Variants in PCDHGB2 observed in about 807,000 individuals in gnomAD.
PCDHGB2 encodes the protein protocadherin gamma-B2.
PCDHGB2 carries 55 observed loss-of-function variants against 59.3 expected under a neutral mutation model. The ratio of observed to expected loss-of-function variants is 0.93; its 90% CI spans 0.75 to 1.16. The LOEUF (loss-of-function observed/expected upper bound fraction) is 1.16, where lower values mean the gene tolerates loss of function less well. PCDHGB2 is among the 50% of genes most tolerant of loss of function. PCDHGB2 has a pLI of 0.00. For synonymous variants in PCDHGB2, 516 were observed against 512.0 expected (o/e 1.01, Z -0.11); for missense variants, 1,228 against 1,198.5 (o/e 1.02, Z -0.36).
chr5:141,405,353 A>G lies in PCDHGB2; in HGVS notation c.2421+42797A>G, dbSNP rs187461819. 6.9e-5 allele frequency: 112 copies of G among 1,614,026 alleles called. No homozygotes were observed. Among genetic ancestry groups the G allele is most frequent in the Admixed American group, 5.8e-4 (35 of 60,010 alleles). On this transcript the variant is annotated intron_variant, in intron 1 of 3. Coordinates refer to ENST00000522605, the MANE Select transcript of PCDHGB2 (RefSeq NM_018923.3). Reference sequence around the variant, plus strand: ...CGTCTCTGTTGATTCCAAGTTTCCTATAGAAGACACCCCTTTGGTTCCGGT... The same window carrying G: ...CGTCTCTGTTGATTCCAAGTTTCCTGTAGAAGACACCCCTTTGGTTCCGGT...
chr5:141,424,149 G>T, intron 1 of PCDHGB2: 1 of 324,612 alleles, frequency 3.1e-6, no homozygotes. Flanking sequence ...GCTCCCTCTA[G>T]CTCTCCTTCT....
chr5:141,440,444 C>G (rs2098178389), intron 1 of PCDHGB2: 1 of 152,038 alleles, frequency 6.6e-6, no homozygotes, highest in Admixed American at 6.6e-5. Context: ...AAGGCGCCAT[C>G]TCAAAAAAAA....
intron 3 of PCDHGB2, among the ~76,000 whole-genome samples, chr5:141,508,789 A>C: frequency 1.4e-5 from 2 of 145,944 alleles, no homozygotes; most frequent in African/African-American, 2.6e-5. Context: ...CCCCTAAATC[A>C]CTCTGGAATC....
At position 141,476,591 on chromosome 5, in the gene PCDHGB2, G is replaced by C. The variant is rs200254399; in HGVS notation, c.2422-18216G>C. The C allele has an allele frequency of 6.2e-7, 1 of 1,614,230 alleles. No homozygotes were observed. Among genetic ancestry groups the C allele is most frequent in the East Asian group, 2.2e-5 (1 of 44,870 alleles). On this transcript the variant is annotated intron_variant, in intron 1 of 3. Coordinates refer to ENST00000522605, the MANE Select transcript of PCDHGB2 (RefSeq NM_018923.3). This position sits in a 1 kb window ranked among gnomAD's most constrained non-coding sequence, Gnocchi z 7.6. ...GGGGACGCGCTTTCCGCTCGAGAGCGCGCACGATCCCGATGTGGGAAGCAA... is the reference window on the plus strand; with the variant it reads ...GGGGACGCGCTTTCCGCTCGAGAGCCCGCACGATCCCGATGTGGGAAGCAA...
chr5:141,423,253 C>G (rs750278899), intron 1 of PCDHGB2: 1 of 1,613,916 alleles, frequency 6.2e-7, no homozygotes, highest in Admixed American at 1.7e-5. Flanking sequence ...CCTGGCGGAC[C>G]TCGGCAGCCT....
Position 141,431,336 on chromosome 5 carries a change from G to C in PCDHGB2, c.2422-63471G>C, listed in dbSNP as rs1187672228. ...TGGAGCCGACGGTAGTAAGTACCCC[G>C]AATTGGTGCTGAAACGCGCCCTGGA... On this transcript the variant is annotated intron_variant, in intron 1 of 3. Transcript: ENST00000522605. The surrounding 1 kb of genome is among the most constrained non-coding windows in gnomAD (Gnocchi z 4.8). 2.5e-6 allele frequency: 4 copies of C among 1,613,956 alleles called. No individual in the cohort carries two copies. The East Asian group carries it at 6.7e-5, about 27-fold the overall frequency.
intron 1 of PCDHGB2, chr5:141,415,994 C>G: frequency 6.6e-6 from 2 of 303,006 alleles, no homozygotes; most frequent in East Asian, 6.9e-5. Context: ...GTTCTGAAGG[C>G]AGGTCTGGTA....
chr5:141,418,081 C>T lies in PCDHGB2; in HGVS notation c.2421+55525C>T, dbSNP rs190197904. On this transcript the variant is annotated intron_variant, in intron 1 of 3. Transcript: ENST00000522605. Reference sequence around the variant, plus strand: ...TGCGAGTGAGCGCGGAGAAGCTGCACTTCAGCGTAGACGCGCAGAGCGGGG... The same window carrying T: ...TGCGAGTGAGCGCGGAGAAGCTGCATTTCAGCGTAGACGCGCAGAGCGGGG... 331 of 1,614,072 alleles carry T rather than the reference C, an allele frequency of 2.1e-4. 3 individuals are homozygous for T. The African/African-American group carries it at 4.0e-3, about 19-fold the overall frequency.
intron 1 of PCDHGB2, chr5:141,384,446 C>T (rs781605513): frequency 5.6e-6 from 9 of 1,614,034 alleles, no homozygotes; most frequent in South Asian, 4.4e-5. Context: ...GTCCTGTACG[C>T]GCTGCAATCC....
chr5:141,371,300 C>G, intron 1 of PCDHGB2: 1 of 1,613,950 alleles, frequency 6.2e-7, no homozygotes, highest in Non-Finnish European at 8.5e-7. Context: ...GGGAACTCAC[C>G]ACTATTGGAG....
chr5:141,461,258 A>G lies in PCDHGB2; in HGVS notation c.2422-33549A>G, dbSNP rs2099011921. Among the ~76,000 whole-genome samples, 4 of 152,104 alleles carry G rather than the reference A, an allele frequency of 2.6e-5. No individual in the cohort carries two copies. In the South Asian group the frequency reaches 8.3e-4, roughly 31 times the overall value. The stretch of plus-strand genomic sequence containing the variant: ...GTACTAATTTATATTCCCAGCAGCA[A>G]TGTGTAAGTGTTCTCTTTTCCCCAC... On this transcript the variant is annotated intron_variant, in intron 1 of 3. Transcript: ENST00000522605.
rs1417059875 is a variant in PCDHGB2 at position 141,496,499 on chromosome 5, G to C, written c.2480+1634G>C. 2.6e-5 allele frequency among the ~76,000 whole-genome samples: 4 copies of C among 152,102 alleles called. No individual in the cohort carries two copies. In the East Asian group the frequency reaches 7.7e-4, roughly 29 times the overall value. On this transcript the variant is annotated intron_variant, in intron 2 of 3. Coordinates refer to ENST00000522605, the MANE Select transcript of PCDHGB2 (RefSeq NM_018923.3). ...TCCTGCAACCAACCAAACCCTTGTT[G>C]CCACAAGGACCCAGGAGCCCTTGGT...
At chr5:141,376,530 G>A (rs200613052) in intron 1 of PCDHGB2, 1 of 1,613,668 alleles carries the variant, frequency 6.2e-7, no homozygotes, top group Admixed American at 1.7e-5. Context: ...CCGCCTAAGC[G>A]GGAAGAGTAA....
chr5:141,400,129 C>T (rs530393607), intron 1 of PCDHGB2: 1 of 1,614,104 alleles, frequency 6.2e-7, no homozygotes, highest in Admixed American at 1.7e-5. Flanking sequence ...GCAGGAGGTG[C>T]TGCCGGATAT....
chr5:141,432,215 C>T lies in PCDHGB2; in HGVS notation c.2422-62592C>T. The T allele has an allele frequency of 1.9e-6, 3 of 1,614,228 alleles. No individual in the cohort carries two copies. The highest frequency in any genetic ancestry group is 2.5e-6 in the Non-Finnish European group (3 of 1,180,036). The stretch of plus-strand genomic sequence containing the variant: ...CGACCCCGACTGTGAAGAGAACGCC[C>T]AGATCACTTATTCCCTGGCTGAGAA... On this transcript the variant is annotated intron_variant, in intron 1 of 3. Transcript: ENST00000522605. This position sits in a 1 kb window ranked among gnomAD's most constrained non-coding sequence, Gnocchi z 6.0.
intron 1 of PCDHGB2, among the ~76,000 whole-genome samples, chr5:141,492,165 C>T (rs932762928): frequency 1.4e-4 from 22 of 152,210 alleles, no homozygotes; most frequent in African/African-American, 4.8e-4. Context: ...TCCCTATCCC[C>T]GCATCACCCA....
At position 141,491,134 on chromosome 5, in the gene PCDHGB2, C is replaced by T. The variant is rs1594979273; in HGVS notation, c.2422-3673C>T. Reference sequence around the variant, plus strand: ...ACACACTGGTGAGGTGCGCACAGCCCGGGCCTTACTGGAGGATGACTCTGA... The same window carrying T: ...ACACACTGGTGAGGTGCGCACAGCCTGGGCCTTACTGGAGGATGACTCTGA... On this transcript the variant is annotated intron_variant, in intron 1 of 3. Transcript: ENST00000522605. The surrounding 1 kb of genome is among the most constrained non-coding windows in gnomAD (Gnocchi z 6.9). The T allele has an allele frequency of 6.2e-7, 1 of 1,614,138 alleles. No homozygotes were observed. Among genetic ancestry groups the T allele is most frequent in the Non-Finnish European group, 8.5e-7 (1 of 1,179,994 alleles).
intron 1 of PCDHGB2, among the ~76,000 whole-genome samples, chr5:141,454,538 C>G (rs1229435473): frequency 6.6e-6 from 1 of 152,110 alleles, no homozygotes; most frequent in African/African-American, 2.4e-5. Context: ...TCCCAAGTAG[C>G]TGAGATTACA....
At chr5:141,430,784 G>T in intron 1 of PCDHGB2, 1 of 1,512,418 alleles carries the variant, frequency 6.6e-7, no homozygotes, top group East Asian at 2.3e-5. Flanking sequence ...ACTGCACCGG[G>T]ACTACAAAGG....
Sources: allele counts gnomAD v4.1 joint callset (sites outside exome capture counted in the v4.1 genomes callset), GRCh38; gene constraint gnomAD v4.1.1; non-coding constraint Gnocchi (gnomAD v3.1); transcripts MANE v1.5; gene names NCBI Gene and HGNC (gene_info 2026-07-23, HGNC 2026-07-21).